Variants in LRFN2 observed in about 807,000 individuals in gnomAD.
The protein encoded by LRFN2 is leucine rich repeat and fibronectin type III domain containing 2, also known as leucine-rich repeat and fibronectin type-III domain-containing protein 2.
LRFN2 carries 18 observed loss-of-function variants against 37.3 expected under a neutral mutation model. The observed-to-expected ratio is 0.48, with a 90% CI of 0.33 to 0.72. The LOEUF is 0.72. Ranked by LOEUF, LRFN2 falls within the 30% of genes least tolerant of loss-of-function variation. LRFN2 has a pLI of 0.02. For missense variants in LRFN2, 1,006 were observed against 1,060.7 expected (o/e 0.95, Z 0.72); for synonymous variants, 556 against 466.6 (o/e 1.19, Z -2.47).
chr6:40,568,132 C>T (rs886577273), intron 1 of LRFN2, among the ~76,000 whole-genome samples: 1 of 152,210 alleles, frequency 6.6e-6, no homozygotes, highest in Admixed American at 6.5e-5. Context: ...AATCTACTGA[C>T]TGTCTTCCTC....
intron 1 of LRFN2, among the ~76,000 whole-genome samples, chr6:40,478,118 C>T (rs765870053): frequency 2.6e-5 from 4 of 152,110 alleles, no homozygotes; most frequent in Non-Finnish European, 5.9e-5. Flanking sequence ...TATGCCAGGA[C>T]GCACCCCTGC....
intron 1 of LRFN2, among the ~76,000 whole-genome samples, chr6:40,529,875 A>T (rs1766316442): frequency 6.6e-6 from 1 of 152,224 alleles, no homozygotes; most frequent in Non-Finnish European, 1.5e-5. Context: ...GGATCAATAA[A>T]CAGGAGCTAT....
intron 2 of LRFN2, among the ~76,000 whole-genome samples, chr6:40,394,067 G>A (rs1409638012): frequency 6.6e-6 from 1 of 152,284 alleles, no homozygotes; most frequent in Non-Finnish European, 1.5e-5. Context: ...AAACCTGGGG[G>A]AAGAGTTTCT....
chr6:40,565,930 C>T (rs1357667879), intron 1 of LRFN2, among the ~76,000 whole-genome samples: 1 of 151,942 alleles, frequency 6.6e-6, no homozygotes, highest in East Asian at 1.9e-4. Context: ...AAAGAAACCA[C>T]CATCAGAGTG....
intron 2 of LRFN2, among the ~76,000 whole-genome samples, chr6:40,412,194 A>G (rs754786222): frequency 3.9e-5 from 6 of 152,126 alleles, no homozygotes; most frequent in Non-Finnish European, 7.4e-5. Flanking sequence ...GCACAGCAGC[A>G]GGTATCCTAG....
chr6:40,456,963 C>T (rs186848177), intron 1 of LRFN2, among the ~76,000 whole-genome samples: 21 of 152,228 alleles, frequency 1.4e-4, no homozygotes, highest in Middle Eastern at 3.4e-3. Context: ...ACACCAACCA[C>T]GCAGCTCTTC....
At position 40,391,890 on chromosome 6, in the gene LRFN2, T is replaced by A. The variant is rs1762509830; in HGVS notation, c.*53A>T. 6.8e-7 allele frequency: 1 copy of A among 1,466,504 alleles called. No homozygotes were observed. The highest frequency in any genetic ancestry group is 2.5e-5 in the Admixed American group (1 of 40,034). 90.8% of individuals were successfully genotyped at this position (1,466,504 alleles called of 1,614,324 possible). ...CTCCACAAACACTTGCCAGTGAGAT[T>A]CTTTCCCCTTCTCCCACCCTGCGCA... On this transcript the variant is annotated 3_prime_UTR_variant, in exon 3 of 3. Transcript: ENST00000338305.
At chr6:40,539,848 G>A (rs1305911107) in intron 1 of LRFN2, among the ~76,000 whole-genome samples, 2 of 152,108 alleles carry the variant, frequency 1.3e-5, no homozygotes, top group African/African-American at 4.8e-5. Flanking sequence ...CTCACTGTGG[G>A]GCCTTGGGTA....
intron 1 of LRFN2, among the ~76,000 whole-genome samples, chr6:40,552,114 T>G (rs1470948811): frequency 6.6e-6 from 1 of 152,226 alleles, no homozygotes; most frequent in African/African-American, 2.4e-5. Context: ...TCTCAAAGTG[T>G]GGTCTTCAAT....
chr6:40,529,747 C>T (rs1383928872), intron 1 of LRFN2, among the ~76,000 whole-genome samples: 23 of 152,208 alleles, frequency 1.5e-4, no homozygotes, highest in Admixed American at 1.5e-3. Context: ...ACTCTCTGTG[C>T]CTCAATTTCC....
At chr6:40,458,802 C>T (rs1335264981) in intron 1 of LRFN2, among the ~76,000 whole-genome samples, 2 of 152,156 alleles carry the variant, frequency 1.3e-5, no homozygotes, top group Non-Finnish European at 2.9e-5. Flanking sequence ...GCCACCCAGC[C>T]CCAACAACAC....
chr6:40,480,132 T>A (rs1048417324), intron 1 of LRFN2, among the ~76,000 whole-genome samples: 1 of 152,210 alleles, frequency 6.6e-6, no homozygotes, highest in African/African-American at 2.4e-5. Flanking sequence ...TATTTACTCT[T>A]TATACAGCAC....
At chr6:40,460,770 A>G (rs565697459) in intron 1 of LRFN2, among the ~76,000 whole-genome samples, 3 of 152,206 alleles carry the variant, frequency 2.0e-5, no homozygotes, top group Non-Finnish European at 4.4e-5. Flanking sequence ...AAAGATGAGG[A>G]GACTTCATAG....
chr6:40,392,179 A>G lies in LRFN2; in HGVS notation c.2134T>C (p.Leu712=). 3.1e-6 allele frequency: 5 copies of G among 1,595,252 alleles called. No homozygotes were observed. Among genetic ancestry groups the G allele is most frequent in the Non-Finnish European group, 4.3e-6 (5 of 1,170,160 alleles). Residue 712 remains leucine (L), a synonymous_variant, in exon 3 of 3, where the codon TTG becomes CTG. Coordinates refer to ENST00000338305, the MANE Select transcript of LRFN2 (RefSeq NM_020737.3). This position sits in a 1 kb window ranked among gnomAD's most constrained non-coding sequence, Gnocchi z 4.7. ...PAARARSLLP[L]PLEGKAKRSH... Reference sequence around the variant, plus strand: ...CGTTTGGCCTTGCCCTCCAACGGCAAGGGGAGCAGGCTCCTGGCCCGGGCC... The same window carrying G: ...CGTTTGGCCTTGCCCTCCAACGGCAGGGGGAGCAGGCTCCTGGCCCGGGCC...
chr6:40,535,470 G>A (rs906759069), intron 1 of LRFN2, among the ~76,000 whole-genome samples: 1 of 152,184 alleles, frequency 6.6e-6, no homozygotes, highest in Non-Finnish European at 1.5e-5. Flanking sequence ...TTGCCTTGGT[G>A]TTCCTTGGGG....
At chr6:40,502,131 C>T (rs1471287855) in intron 1 of LRFN2, 1 of 152,254 alleles carries the variant, frequency 6.6e-6, no homozygotes. Context: ...GTCTTTGCTA[C>T]TTCATTGAAT....
chr6:40,549,246 A>G (rs1208046834), intron 1 of LRFN2, among the ~76,000 whole-genome samples: 1 of 152,202 alleles, frequency 6.6e-6, no homozygotes, highest in African/African-American at 2.4e-5. Context: ...GACTTGAGAA[A>G]GAGAGGAGGT....
At chr6:40,455,593 C>G (rs2093415389) in intron 1 of LRFN2, among the ~76,000 whole-genome samples, 1 of 152,196 alleles carries the variant, frequency 6.6e-6, no homozygotes, top group Non-Finnish European at 1.5e-5. Flanking sequence ...CAGCAATTAT[C>G]CCAGCTTTAT....
chr6:40,394,461 C>T (rs1762574084), intron 2 of LRFN2, among the ~76,000 whole-genome samples: 1 of 152,148 alleles, frequency 6.6e-6, no homozygotes, highest in African/African-American at 2.4e-5. Flanking sequence ...TAATTAAGAT[C>T]TCAAATATGA....
Sources: allele counts gnomAD v4.1 joint callset (sites outside exome capture counted in the v4.1 genomes callset), GRCh38; gene constraint gnomAD v4.1.1; non-coding constraint Gnocchi (gnomAD v3.1); transcripts MANE v1.5; gene names NCBI Gene and HGNC (gene_info 2026-07-23, HGNC 2026-07-21).